The following GRIK2 variants were observed in gnomAD, a reference collection of about 807,000 sequenced individuals.
GRIK2 encodes the protein glutamate receptor ionotropic, kainate 2.
In GRIK2, 32 loss-of-function variants were observed where a neutral mutation model predicts 100.3. The observed-to-expected ratio is 0.32, with a 90% CI of 0.24 to 0.43. The LOEUF (loss-of-function observed/expected upper bound fraction) is 0.43, where lower values mean the gene tolerates loss of function less well. Among genes scored for constraint, GRIK2 ranks in the 20% least tolerant of loss-of-function variants. The pLI is 1.00. For synonymous variants in GRIK2, 417 were observed against 389.4 expected, an observed-to-expected ratio of 1.07 and a Z score of -0.83; for missense variants, 843 against 1,114.9, an observed-to-expected ratio of 0.76 and a Z score of 3.47.
At chr6:101,993,803 T>C (rs904549942) in intron 14 of GRIK2, 1 of 148,226 alleles carries the variant, frequency 6.7e-6, no homozygotes, top group African/African-American at 2.4e-5. Context: ...ATATATATGT[T>C]AACATACAGA....
At chr6:101,726,381 T>G (rs1427131730) in intron 7 of GRIK2, among the ~76,000 whole-genome samples, 1 of 152,006 alleles carries the variant, frequency 6.6e-6, no homozygotes, top group Non-Finnish European at 1.5e-5. Flanking sequence ...ACTGGTGCAT[T>G]TTAAAACGCT....
In GRIK2 at chr6:101,399,128, T is replaced by TTTGG; in HGVS notation, c.-149_-146dup. 1 of 588,804 alleles carries TTTGG rather than the reference T, an allele frequency of 1.7e-6. No individual in the cohort carries two copies. Among genetic ancestry groups the TTTGG allele is most frequent in the Non-Finnish European group, 3.1e-6 (1 of 326,204 alleles). 36.5% of individuals were successfully genotyped at this position (588,804 alleles called of 1,614,324 possible). ...AGAACATGCAGCGATTGCTAATGGG[T>TTTGG]TTGGGAAGCGGAGACTCCTTCCTCT... On this transcript the variant is annotated 5_prime_UTR_variant, in exon 2 of 17. An upstream open reading frame in the 5' UTR loses its in-frame stop. Transcript: ENST00000369134.
intron 10 of GRIK2, among the ~76,000 whole-genome samples, chr6:101,858,893 T>C (rs1261691358): frequency 2.6e-5 from 4 of 151,960 alleles, no homozygotes; most frequent in Non-Finnish European, 5.9e-5. Context: ...ATACCAGATA[T>C]TGATTAAATG....
chr6:101,883,131 A>T (rs1786373108), intron 11 of GRIK2, among the ~76,000 whole-genome samples: 1 of 151,878 alleles, frequency 6.6e-6, no homozygotes, highest in Non-Finnish European at 1.5e-5. Flanking sequence ...TGTTGGAGAG[A>T]TGGGAGGGTT....
intron 14 of GRIK2, among the ~76,000 whole-genome samples, chr6:102,017,084 T>G (rs1372244411): frequency 6.6e-6 from 1 of 152,052 alleles, no homozygotes; most frequent in Non-Finnish European, 1.5e-5. Context: ...TCTGAGGGAA[T>G]TCATTACCTC....
intron 14 of GRIK2, among the ~76,000 whole-genome samples, chr6:101,956,874 T>A (rs1562510147): frequency 6.9e-6 from 1 of 144,946 alleles, no homozygotes; most frequent in Non-Finnish European, 1.5e-5. Context: ...ATATATATAA[T>A]TTTCTTTATC....
chr6:101,704,659 C>T lies in GRIK2; in HGVS notation c.951+18306C>T, dbSNP rs936350011. Among the ~76,000 whole-genome samples, 9 of 150,988 alleles carry T rather than the reference C, an allele frequency of 6.0e-5. 1 individual carries two copies. The highest frequency in any genetic ancestry group is 1.0e-4 in the Non-Finnish European group (7 of 67,650). On this transcript the variant is annotated intron_variant, in intron 7 of 16. Transcript: ENST00000369134. ...GCTAGTCTTTTTTCAGAATATGTAG[C>T]CTCCTCCCTTCTCCCCACCCCCCGA...
chr6:101,861,086 GA>G (rs1369288511), intron 11 of GRIK2, among the ~76,000 whole-genome samples: 1 of 152,108 alleles, frequency 6.6e-6, no homozygotes. Context: ...TGCATGCCTT[GA>G]AAACACTGCC....
chr6:102,009,078 A>G (rs1050315873), intron 14 of GRIK2, among the ~76,000 whole-genome samples: 1 of 152,104 alleles, frequency 6.6e-6, no homozygotes, highest in Non-Finnish European at 1.5e-5. Flanking sequence ...TTGAGAATGT[A>G]TATCTAAGTA....
Position 101,688,576 on chromosome 6 carries a change from T to G in GRIK2, c.951+2223T>G, listed in dbSNP as rs139999305. Among the ~76,000 whole-genome samples the G allele has an allele frequency of 9.1e-3, 1,379 of 152,108 alleles. 14 individuals carry two copies. Among genetic ancestry groups the G allele is most frequent in the Middle Eastern group, 0.02 (6 of 294 alleles). On this transcript the variant is annotated intron_variant, in intron 7 of 16. Transcript: ENST00000369134. ...ATTACAAATTTGCATTCTCTCTTTC[T>G]AGCACGAGTCTATTCCTCTTCTGCT...
Position 102,055,444 on chromosome 6 carries a change from G to A in GRIK2, c.2426G>A (p.Ser809Asn), listed in dbSNP as rs1377188432. ...GGCAATGGTTGCCCAGAAGAGGAGA[G>A]CAAAGAGGCCAGTGCCCTGGGGGTT... ...WRGNGCPEEE[S>N]KEASALGVQN... is the part of the protein sequence containing the mutation. Residue 809 changes from serine to asparagine, a missense_variant, in exon 16 of 17, where the codon AGC (serine) becomes AAC (asparagine). This residue lies in a region of GRIK2 where 237 missense variants were observed against 388.0 expected (regional missense o/e 0.61). Coordinates refer to ENST00000369134, the MANE Select transcript of GRIK2 (RefSeq NM_021956.5). 6 of 1,613,852 alleles carry A rather than the reference G, an allele frequency of 3.7e-6. No homozygotes were observed. The highest frequency in any genetic ancestry group is 3.3e-5 in the South Asian group (3 of 91,082).
intron 12 of GRIK2, among the ~76,000 whole-genome samples, chr6:101,910,839 C>CCACACACACACACGCACACACA (rs1554284825): frequency 1.4e-5 from 2 of 143,266 alleles, no homozygotes; most frequent in African/African-American, 5.3e-5. Context: ...CCAACATACA[C>CCACACACACACACGCACACACA]CACACACACA....
chr6:101,635,899 G>A (rs1427308868), intron 4 of GRIK2, among the ~76,000 whole-genome samples: 1 of 152,112 alleles, frequency 6.6e-6, no homozygotes, highest in African/African-American at 2.4e-5. Context: ...TTACACTGTT[G>A]GTAGGAGTGT....
At chr6:102,041,146 A>C (rs1436176568) in intron 15 of GRIK2, among the ~76,000 whole-genome samples, 1 of 151,612 alleles carries the variant, frequency 6.6e-6, no homozygotes, top group African/African-American at 2.4e-5. Flanking sequence ...GCTGCATGCT[A>C]CAATCTAGGA....
At chr6:101,930,919 T>A (rs2128472471) in intron 14 of GRIK2, among the ~76,000 whole-genome samples, 1 of 152,128 alleles carries the variant, frequency 6.6e-6, no homozygotes, top group East Asian at 1.9e-4. Context: ...GCACATATAT[T>A]ATTTCTTTAG....
At chr6:101,725,855 A>G (rs1774827230) in intron 7 of GRIK2, among the ~76,000 whole-genome samples, 1 of 152,002 alleles carries the variant, frequency 6.6e-6, no homozygotes, top group Non-Finnish European at 1.5e-5. Flanking sequence ...GTTTGACCCA[A>G]CAAGGAAAAT....
At chr6:101,686,925 G>GCCAAACAACTTTAGTTGTTTATA (rs1313454750) in intron 7 of GRIK2, among the ~76,000 whole-genome samples, 14 of 152,094 alleles carry the variant, frequency 9.2e-5, no homozygotes, top group East Asian at 7.7e-4. Flanking sequence ...AGTTGTTTAT[G>GCCAAACAACTTTAGTTGTTTATA]CCAAACAACT....
At chr6:102,010,060 AT>A (rs1275006219) in intron 14 of GRIK2, among the ~76,000 whole-genome samples, 2 of 152,130 alleles carry the variant, frequency 1.3e-5, no homozygotes, top group African/African-American at 4.8e-5. Flanking sequence ...TCACAGCAAT[AT>A]TGAACAGAAA....
intron 10 of GRIK2, among the ~76,000 whole-genome samples, chr6:101,822,421 A>T (rs1246937108): frequency 6.6e-6 from 1 of 151,956 alleles, no homozygotes. Flanking sequence ...TAGCAAGGTG[A>T]AGAAAGGGCA....
Sources: allele counts gnomAD v4.1 joint callset (sites outside exome capture counted in the v4.1 genomes callset), GRCh38; gene constraint gnomAD v4.1.1; regional missense constraint gnomAD v4.1.1; transcripts MANE v1.5; gene names NCBI Gene and HGNC (gene_info 2026-07-23, HGNC 2026-07-21).